CELF2: variants seen among roughly 807,000 people sequenced by gnomAD.
CELF2 encodes CUG triplet repeat RNA-binding protein 2.
In CELF2, 8 loss-of-function variants were observed where a neutral mutation model predicts 62.6. The ratio of observed to expected loss-of-function variants is 0.13; its 90% CI spans 0.07 to 0.23. The LOEUF is 0.23. Among genes scored for constraint, CELF2 ranks in the 10% least tolerant of loss-of-function variants. CELF2 has a pLI of 1.00. For missense variants in CELF2, 333 were observed against 671.0 expected, an observed-to-expected ratio of 0.50 and a Z score of 5.56; for synonymous variants, 258 against 250.0, an observed-to-expected ratio of 1.03 and a Z score of -0.30.
At chr10:11,065,579 C>G (rs1423502460) in intron 1 of CELF2, among the ~76,000 whole-genome samples, 3 of 152,042 alleles carry the variant, frequency 2.0e-5, no homozygotes, top group African/African-American at 7.2e-5. Flanking sequence ...GGGGATCCCA[C>G]AAGGATGTGG....
At chr10:10,617,429 C>T in the CELF2 span, among the ~76,000 whole-genome samples, 1 of 152,116 alleles carries the variant, frequency 6.6e-6, no homozygotes, top group African/African-American at 2.4e-5. Flanking sequence ...AGGTTCACAG[C>T]TCAGGTTCAG....
chr10:10,465,771 AG>A, the CELF2 span, among the ~76,000 whole-genome samples: 5 of 152,218 alleles, frequency 3.3e-5, no homozygotes, highest in Middle Eastern at 3.4e-3. Flanking sequence ...TGTAAGGAAA[AG>A]AGATGGTTAT....
chr10:11,058,471 T>C (rs920340881), intron 1 of CELF2, among the ~76,000 whole-genome samples: 8 of 145,430 alleles, frequency 5.5e-5, no homozygotes, highest in African/African-American at 2.0e-4. Context: ...GTTTTTTTTT[T>C]TTTTTTTTTT....
intron 5 of CELF2, among the ~76,000 whole-genome samples, chr10:11,265,431 C>T (rs2081938709): frequency 6.6e-6 from 1 of 152,188 alleles, no homozygotes; most frequent in Admixed American, 6.5e-5. Flanking sequence ...TCAAACTGTG[C>T]AAGGCTAAAG....
chr10:11,027,984 A>G (rs551591887), intron 1 of CELF2, among the ~76,000 whole-genome samples: 1 of 152,342 alleles, frequency 6.6e-6, no homozygotes, highest in African/African-American at 2.4e-5. Context: ...ATCAAATTTA[A>G]TGGAACTTCA....
chr10:11,015,785 A>G (rs534153568), upstream of CELF2, among the ~76,000 whole-genome samples: 81 of 152,372 alleles, frequency 5.3e-4, 1 homozygote, highest in Admixed American at 4.9e-3. The surrounding 1 kb of genome is among the most constrained non-coding windows in gnomAD (Gnocchi z 4.8). Context: ...ATTTGAGGCT[A>G]GAATTTAACA....
At chr10:11,097,264 C>T (rs1204764834) in intron 1 of CELF2, 1 of 152,196 alleles carries the variant, frequency 6.6e-6, no homozygotes, top group Non-Finnish European at 1.5e-5. Context: ...TTTCATTGAA[C>T]CATTAACGTT....
the CELF2 span, among the ~76,000 whole-genome samples, chr10:10,741,338 C>A: frequency 4.0e-5 from 6 of 151,856 alleles, no homozygotes; most frequent in East Asian, 3.9e-4. Flanking sequence ...TGGTGAAAAC[C>A]CATCTCTTCT....
chr10:10,531,795 A>G, the CELF2 span, among the ~76,000 whole-genome samples: 1 of 152,194 alleles, frequency 6.6e-6, no homozygotes, highest in Non-Finnish European at 1.5e-5. Context: ...TTAATTGGAA[A>G]CTCATCATTT....
intron 12 of CELF2, among the ~76,000 whole-genome samples, chr10:11,326,531 T>C (rs1404982244): frequency 1.3e-5 from 2 of 152,164 alleles, no homozygotes; most frequent in Non-Finnish European, 2.9e-5. Flanking sequence ...CGTGCAGCTG[T>C]TATCAGAGAC....
chr10:11,149,176 T>C (rs2062837094), intron 1 of CELF2, among the ~76,000 whole-genome samples: 1 of 152,140 alleles, frequency 6.6e-6, no homozygotes, highest in South Asian at 2.1e-4. Context: ...GTTCAAGCGA[T>C]TCTCATGCCT....
chr10:10,876,621 G>T (rs1042186331), intron 1 of CELF2, among the ~76,000 whole-genome samples: 1 of 152,098 alleles, frequency 6.6e-6, no homozygotes, highest in Non-Finnish European at 1.5e-5. Flanking sequence ...ATGTCTGCAG[G>T]ACAAAGATGT....
intron 11 of CELF2, among the ~76,000 whole-genome samples, chr10:11,323,720 G>A (rs2095576055): frequency 6.6e-6 from 1 of 152,264 alleles, no homozygotes; most frequent in African/African-American, 2.4e-5. Context: ...AGTAGTGAGT[G>A]TAACAGAGAA....
chr10:11,128,571 T>G (rs1595814453), intron 1 of CELF2, among the ~76,000 whole-genome samples: 1 of 152,204 alleles, frequency 6.6e-6, no homozygotes, highest in South Asian at 2.1e-4. Flanking sequence ...TGTTTGTAGT[T>G]CTCCTTGAAG....
intron 2 of CELF2, among the ~76,000 whole-genome samples, chr10:10,965,072 G>T (rs934295265): frequency 6.6e-6 from 1 of 152,024 alleles, no homozygotes; most frequent in African/African-American, 2.4e-5. Context: ...TTAGAGTCCA[G>T]GGAAAAGAGG....
At chr10:10,895,489 A>G (rs978401173) in intron 1 of CELF2, among the ~76,000 whole-genome samples, 2 of 152,186 alleles carry the variant, frequency 1.3e-5, no homozygotes, top group African/African-American at 2.4e-5. Flanking sequence ...TGGAAGAACT[A>G]TGAAACAAAG....
At chr10:11,106,706 C>T (rs1354355892) in intron 1 of CELF2, among the ~76,000 whole-genome samples, 1 of 152,218 alleles carries the variant, frequency 6.6e-6, no homozygotes, top group Non-Finnish European at 1.5e-5. Context: ...ACAATGAATA[C>T]TCTATGAAGT....
At chr10:10,532,076 C>T in the CELF2 span, among the ~76,000 whole-genome samples, 1 of 152,230 alleles carries the variant, frequency 6.6e-6, no homozygotes. Context: ...TCCATATTTG[C>T]CTAACGGCAA....
At chr10:11,032,628 A>G (rs2060308467) in intron 1 of CELF2, among the ~76,000 whole-genome samples, 1 of 152,210 alleles carries the variant, frequency 6.6e-6, no homozygotes, top group African/African-American at 2.4e-5. Flanking sequence ...TCTACGTGGT[A>G]TCTCACGATG....
Sources: gnomAD v4.1 joint callset for allele counts (sites outside exome capture counted in the v4.1 genomes callset) on GRCh38, gnomAD v4.1.1 for gene constraint, Gnocchi (gnomAD v3.1) non-coding constraint, MANE v1.5 for transcripts, NCBI Gene and HGNC (gene_info 2026-07-23, HGNC 2026-07-21) for gene names.